TCAF1: variants seen among roughly 807,000 people sequenced by gnomAD.
TCAF1 encodes TRPM8 channel associated factor 1.
In TCAF1, 4 loss-of-function variants were observed where a neutral mutation model predicts 27.3. That is an observed-to-expected ratio of 0.15 (90% CI 0.07 to 0.34). The LOEUF is 0.34. Among genes scored for constraint, TCAF1 ranks in the 10% least tolerant of loss-of-function variants. TCAF1 has a pLI of 1.00. For synonymous variants in TCAF1, 105 were observed against 167.1 expected (o/e 0.63, Z 2.87); for missense variants, 257 against 425.8 (o/e 0.60, Z 3.49).
At chr7:143,881,647 T>C (rs1191944660) in intron 1 of TCAF1, among the ~76,000 whole-genome samples, 2 of 152,162 alleles carry the variant, frequency 1.3e-5, no homozygotes, top group Non-Finnish European at 2.9e-5. Flanking sequence ...ACCATTCAGC[T>C]TAAAAAATAG....
chr7:143,880,749 T>TG (rs945628389), intron 1 of TCAF1, among the ~76,000 whole-genome samples: 3 of 152,170 alleles, frequency 2.0e-5, no homozygotes, highest in Admixed American at 2.0e-4. Flanking sequence ...TCCTCCTCTA[T>TG]GGGGGTCCCT....
chr7:143,891,144 T>C (rs1265816287), intron 1 of TCAF1, among the ~76,000 whole-genome samples: 4 of 152,226 alleles, frequency 2.6e-5, no homozygotes, highest in Non-Finnish European at 5.9e-5. Context: ...ATCAAAGTAA[T>C]CTGCTGGTAC....
intron 1 of TCAF1, among the ~76,000 whole-genome samples, chr7:143,891,862 G>A (rs550318575): frequency 6.6e-6 from 1 of 152,014 alleles, no homozygotes; most frequent in Non-Finnish European, 1.5e-5. Context: ...GAGAAAATCT[G>A]AAAAGCAGCC....
chr7:143,867,495 TAA>T (rs1316884778), intron 2 of TCAF1, among the ~76,000 whole-genome samples: 1 of 151,980 alleles, frequency 6.6e-6, no homozygotes, highest in East Asian at 1.9e-4. Context: ...TATTGGAATA[TAA>T]GAGTTCTCCA....
At chr7:143,895,715 CAA>C (rs979938753) in intron 1 of TCAF1, among the ~76,000 whole-genome samples, 2 of 151,112 alleles carry the variant, frequency 1.3e-5, no homozygotes, top group Admixed American at 6.6e-5. Flanking sequence ...TATTAAATAA[CAA>C]TAATCATTTG....
intron 6 of TCAF1, among the ~76,000 whole-genome samples, chr7:143,859,985 A>ATATTATATAATATATATTATG (rs1811877034): frequency 3.6e-4 from 8 of 22,104 alleles, no homozygotes; most frequent in Admixed American, 1.2e-3. Context: ...TATATATTAT[A>ATATTATATAATATATATTATG]TAATATATAT....
At chr7:143,881,259 C>T (rs928268145) in intron 1 of TCAF1, among the ~76,000 whole-genome samples, 1 of 152,232 alleles carries the variant, frequency 6.6e-6, no homozygotes, top group African/African-American at 2.4e-5. Flanking sequence ...GATGAATAGA[C>T]ATTCCATGTC....
intron 1 of TCAF1, chr7:143,881,862 CAA>C (rs900486290): frequency 3.6e-4 from 55 of 152,276 alleles, no homozygotes; most frequent in African/African-American, 1.3e-3. Flanking sequence ...CTAGGTCACT[CAA>C]GAGGATGACA....
intron 1 of TCAF1, among the ~76,000 whole-genome samples, chr7:143,889,728 T>C (rs780745450): frequency 2.0e-5 from 3 of 152,224 alleles, no homozygotes; most frequent in Non-Finnish European, 4.4e-5. Flanking sequence ...GCTTGTTGAC[T>C]TTCTGGAAGA....
At chr7:143,894,444 G>A (rs1380299225) in intron 1 of TCAF1, among the ~76,000 whole-genome samples, 1 of 151,748 alleles carries the variant, frequency 6.6e-6, no homozygotes, top group Non-Finnish European at 1.5e-5. Context: ...ATTACTCAAT[G>A]AACATAGATT....
intron 1 of TCAF1, among the ~76,000 whole-genome samples, chr7:143,888,594 A>G (rs1355041869): frequency 1.3e-5 from 2 of 152,234 alleles, no homozygotes; most frequent in East Asian, 1.9e-4. Flanking sequence ...ATAGGTTTGC[A>G]ATATTAATTC....
chr7:143,859,882 T>TATACAA (rs1811795287), intron 6 of TCAF1, among the ~76,000 whole-genome samples: 1 of 53,212 alleles, frequency 1.9e-5, no homozygotes, highest in Non-Finnish European at 3.2e-5. Context: ...CATATATACA[T>TATACAA]ATATATAATA....
chr7:143,871,384 T>A (rs2116751983), intron 2 of TCAF1, among the ~76,000 whole-genome samples: 1 of 135,064 alleles, frequency 7.4e-6, no homozygotes, highest in East Asian at 2.1e-4. Context: ...TGTAATGTAT[T>A]CGATCTTAAA....
intron 1 of TCAF1, among the ~76,000 whole-genome samples, chr7:143,885,762 A>G (rs973642181): frequency 6.6e-6 from 1 of 152,140 alleles, no homozygotes; most frequent in Non-Finnish European, 1.5e-5. Context: ...AAAAAACTTC[A>G]AAACTGTTCA....
chr7:143,883,650 C>A (rs941162475), intron 1 of TCAF1, among the ~76,000 whole-genome samples: 1 of 151,846 alleles, frequency 6.6e-6, no homozygotes, highest in Non-Finnish European at 1.5e-5. Context: ...GGATTACAGG[C>A]GCCCGCCATC....
intron 1 of TCAF1, among the ~76,000 whole-genome samples, chr7:143,877,179 C>T (rs1024713587): frequency 2.0e-5 from 3 of 152,144 alleles, no homozygotes; most frequent in South Asian, 4.1e-4. Context: ...GCCTCAGAAT[C>T]GCCACATTGC....
intron 1 of TCAF1, chr7:143,882,791 G>A (rs1813145012): frequency 1.0e-6 from 1 of 985,786 alleles, no homozygotes; most frequent in Non-Finnish European, 1.2e-6. Context: ...GCCTGGCGCA[G>A]AGAGGAATGC....
Position 143,857,154 on chromosome 7 carries a change from GC to G in TCAF1, c.2701del (p.Ala901ProfsTer11), listed in dbSNP as rs755125136. Reference protein sequence around the residue: ...PIQKEVATSLAYLPEWKENIM... With the variant: ...PIQKEVATSLXYLPEWKENIM... Reference sequence around the variant, plus strand: ...ATTTTCCTTCCATTCAGGCAGATAGGCCAGGCTGGTAGCCACTTCCTTCTGG... The same window carrying G: ...ATTTTCCTTCCATTCAGGCAGATAGGCAGGCTGGTAGCCACTTCCTTCTGG... On this transcript the variant is annotated frameshift_variant, in exon 8 of 9. Coordinates refer to ENST00000479870, the MANE Select transcript of TCAF1 (RefSeq NM_014719.3). LOFTEE classifies it high-confidence loss of function. The G allele has an allele frequency of 1.4e-6, 1 of 719,984 alleles. No homozygotes were observed. Among genetic ancestry groups the G allele is most frequent in the Non-Finnish European group, 2.3e-6 (1 of 430,156 alleles). 44.6% of individuals were successfully genotyped at this position (719,984 alleles called of 1,614,324 possible).
At chr7:143,890,348 G>A (rs1813587303) in intron 1 of TCAF1, among the ~76,000 whole-genome samples, 1 of 152,116 alleles carries the variant, frequency 6.6e-6, no homozygotes, top group Admixed American at 6.5e-5. Flanking sequence ...AGGACCTTCA[G>A]TTTCTTAGTG....
Sources: allele counts gnomAD v4.1 joint callset (sites outside exome capture counted in the v4.1 genomes callset), GRCh38; gene constraint gnomAD v4.1.1; transcripts MANE v1.5; gene names NCBI Gene and HGNC (gene_info 2026-07-23, HGNC 2026-07-21).